The following GPHN variants were observed in gnomAD, a reference collection of about 807,000 sequenced individuals.
The protein encoded by GPHN is gephyrin.
In GPHN, 17 loss-of-function variants were observed where a neutral mutation model predicts 95.5. The ratio of observed to expected loss-of-function variants is 0.18; its 90% CI spans 0.12 to 0.27. GPHN has a LOEUF of 0.27. Among genes scored for constraint, GPHN ranks in the 10% least tolerant of loss-of-function variants. GPHN has a pLI of 1.00. For missense variants in GPHN, 660 were observed against 978.1 expected (o/e 0.67, Z 4.34); for synonymous variants, 320 against 322.5 (o/e 0.99, Z 0.08).
chr14:67,541,988 G>T, the GPHN span: 2 of 1,604,372 alleles, frequency 1.2e-6, no homozygotes, highest in Non-Finnish European at 1.7e-6. Flanking sequence ...GCTGCTGGCT[G>T]ACAAGGTGAG....
At chr14:66,868,486 C>T (rs538722468) in intron 4 of GPHN, among the ~76,000 whole-genome samples, 14 of 152,140 alleles carry the variant, frequency 9.2e-5, no homozygotes, top group Admixed American at 1.3e-4. Flanking sequence ...CTCTGCAACC[C>T]GGGTTCAAGC....
At chr14:67,332,653 C>T in the GPHN span, 1 of 915,042 alleles carries the variant, frequency 1.1e-6, no homozygotes, top group South Asian at 2.0e-5. Context: ...GAAAGGAGCT[C>T]CTGAGGTTGG....
At chr14:67,729,715 C>CTTGA in the GPHN span, 1 of 533,434 alleles carries the variant, frequency 1.9e-6, no homozygotes, top group South Asian at 1.5e-5. Context: ...TTTTGGCTCA[C>CTTGA]TTGATTCATG....
chr14:67,312,614 G>A, the GPHN span: 2 of 1,613,820 alleles, frequency 1.2e-6, no homozygotes, highest in Non-Finnish European at 8.5e-7. Context: ...TCAAAAAGGT[G>A]ATATACTTCA....
the GPHN span, among the ~76,000 whole-genome samples, chr14:67,193,954 CA>C: frequency 1.2e-4 from 10 of 85,738 alleles, no homozygotes; most frequent in East Asian, 3.2e-4. Flanking sequence ...CAAAAAAAAA[CA>C]AAAAAAAAAC....
the GPHN span, among the ~76,000 whole-genome samples, chr14:67,359,075 C>T: frequency 6.6e-6 from 1 of 152,176 alleles, no homozygotes; most frequent in Admixed American, 6.5e-5. Flanking sequence ...AAAAGCAGTG[C>T]CTCAGAAACA....
chr14:66,628,299 A>G (rs1356422151), intron 1 of GPHN, among the ~76,000 whole-genome samples: 1 of 152,146 alleles, frequency 6.6e-6, no homozygotes, highest in Non-Finnish European at 1.5e-5. Context: ...ACATCATGAA[A>G]TATGCTTACA....
At chr14:67,293,260 TTGATC>T in the GPHN span, among the ~76,000 whole-genome samples, 1 of 152,184 alleles carries the variant, frequency 6.6e-6, no homozygotes, top group African/African-American at 2.4e-5. Flanking sequence ...TGTTCAGTGT[TTGATC>T]TGTTATGCAA....
chr14:67,042,093 C>A (rs1012174513), intron 10 of GPHN, among the ~76,000 whole-genome samples: 1 of 149,490 alleles, frequency 6.7e-6, no homozygotes, highest in Admixed American at 6.7e-5. Flanking sequence ...TGTTTGAGTT[C>A]TTTGTGGATT....
chr14:66,634,649 T>A (rs2064003364), intron 1 of GPHN, among the ~76,000 whole-genome samples: 1 of 152,184 alleles, frequency 6.6e-6, no homozygotes. Flanking sequence ...ACTGGTGGGT[T>A]GGTCTTCAGG....
At chr14:67,310,525 T>C in the GPHN span, among the ~76,000 whole-genome samples, 519 of 152,246 alleles carry the variant, frequency 3.4e-3, 2 homozygotes, top group African/African-American at 0.012. Context: ...GGTTGTTGAT[T>C]TGGATGCTAG....
chr14:67,572,903 T>G, the GPHN span, among the ~76,000 whole-genome samples: 1 of 152,176 alleles, frequency 6.6e-6, no homozygotes, highest in South Asian at 2.1e-4. Context: ...CCTGGAATGG[T>G]CTTCTTCCTC....
chr14:67,316,758 C>A, the GPHN span: 2 of 1,225,606 alleles, frequency 1.6e-6, no homozygotes, highest in Non-Finnish European at 1.1e-6. Context: ...AGTGTTTTCC[C>A]TTCTTGATTA....
chr14:67,300,336 C>CTTTTTTT, the GPHN span, among the ~76,000 whole-genome samples: 1 of 139,084 alleles, frequency 7.2e-6, no homozygotes, highest in African/African-American at 2.8e-5. Flanking sequence ...TATGAATTAC[C>CTTTTTTT]TTTTTTTTTT....
At chr14:67,541,713 C>A in the GPHN span, 1 of 622,400 alleles carries the variant, frequency 1.6e-6, no homozygotes, top group Non-Finnish European at 2.6e-6. Flanking sequence ...TCTTCCCCAG[C>A]CCTGTTTTCT....
At chr14:66,770,165 T>A (rs2059114094) in intron 2 of GPHN, among the ~76,000 whole-genome samples, 1 of 152,218 alleles carries the variant, frequency 6.6e-6, no homozygotes, top group African/African-American at 2.4e-5. Flanking sequence ...GCCCACTTTT[T>A]AATAGAGTTG....
chr14:66,942,732 G>T (rs1038833914), intron 8 of GPHN, among the ~76,000 whole-genome samples: 6 of 152,134 alleles, frequency 3.9e-5, no homozygotes, highest in South Asian at 2.1e-4. Context: ...GCAATCCCAT[G>T]TAACTAAATA....
intron 13 of GPHN, among the ~76,000 whole-genome samples, chr14:67,102,061 A>C (rs2077733681): frequency 6.6e-6 from 1 of 151,556 alleles, no homozygotes; most frequent in Admixed American, 6.6e-5. Context: ...TTTAGTAGAG[A>C]GGGGATTTCA....
intron 2 of GPHN, among the ~76,000 whole-genome samples, chr14:66,685,833 C>T (rs2067317505): frequency 6.6e-6 from 1 of 152,196 alleles, no homozygotes; most frequent in African/African-American, 2.4e-5. Context: ...TGCCTATGTC[C>T]TGAATGGTAT....
Sources: gnomAD v4.1 joint callset for allele counts (sites outside exome capture counted in the v4.1 genomes callset) on GRCh38, gnomAD v4.1.1 for gene constraint, MANE v1.5 for transcripts, NCBI Gene and HGNC (gene_info 2026-07-23, HGNC 2026-07-21) for gene names.